Variants in SEC14L6 observed in about 807,000 individuals in gnomAD.
SEC14L6 encodes the protein SEC14 like lipid binding 6.
A neutral mutation model predicts 54.1 loss-of-function variants in SEC14L6; 40 were observed. The ratio of observed to expected loss-of-function variants is 0.74; its 90% CI spans 0.57 to 0.96. SEC14L6 has a LOEUF of 0.96. SEC14L6 is among the 40% of genes least tolerant of loss of function. The pLI, the probability that SEC14L6 is intolerant of heterozygous loss-of-function variation, is 0.00. For missense variants in SEC14L6, 471 were observed against 498.3 expected (o/e 0.95, Z 0.52); for synonymous variants, 171 against 198.4 (o/e 0.86, Z 1.16).
chr22:30,527,828 G>GT (rs1325736691), intron 8 of SEC14L6, among the ~76,000 whole-genome samples: 1 of 151,140 alleles, frequency 6.6e-6, no homozygotes, highest in Non-Finnish European at 1.5e-5. Flanking sequence ...GTGTACAAAG[G>GT]TTATCTATAA....
chr22:30,541,071 C>T (rs1022512034), intron 1 of SEC14L6, among the ~76,000 whole-genome samples: 1 of 151,518 alleles, frequency 6.6e-6, no homozygotes, highest in South Asian at 2.1e-4. Context: ...AAACTAACAG[C>T]TTTATGGGGA....
intron 1 of SEC14L6, among the ~76,000 whole-genome samples, chr22:30,542,254 G>A (rs2085731906): frequency 1.3e-5 from 2 of 152,144 alleles, no homozygotes; most frequent in African/African-American, 2.4e-5. Context: ...CTTCAGCTTT[G>A]GGGCTCAGAG....
At chr22:30,531,820 C>T (rs1335415883) in intron 6 of SEC14L6, 83 bp downstream of exon 6, 21 of 982,022 alleles carry the variant, frequency 2.1e-5, no homozygotes, top group Non-Finnish European at 2.8e-5. Context: ...AGAGGATTCC[C>T]GCCCCTGCCC....
At chr22:30,527,671 T>C (rs1249852228) in intron 8 of SEC14L6, among the ~76,000 whole-genome samples, 1 of 142,652 alleles carries the variant, frequency 7.0e-6, no homozygotes, top group Non-Finnish European at 1.5e-5. Flanking sequence ...GCCAAGATCA[T>C]GTCACTGTAC....
In SEC14L6 at chr22:30,525,459, C is replaced by G. The variant is rs61730450; in HGVS notation, c.972G>C (p.Met324Ile). The G allele has an allele frequency of 1.9e-6, 3 of 1,614,090 alleles. No homozygotes were observed. The East Asian group carries it at 6.7e-5, about 36-fold the overall frequency. ...IGFGVFLKTK[M>I]GERQRAREMT... ...TCTCCCTAGCCCTCTGCCGCTCCCCCATCTTGGTCTTCAGGAAAACCCCAA... is the reference window on the plus strand; with the variant it reads ...TCTCCCTAGCCCTCTGCCGCTCCCCGATCTTGGTCTTCAGGAAAACCCCAA... The change falls in exon 11 of 12, where the codon ATG becomes ATC. Residue 324 changes from methionine to isoleucine, a missense_variant. Coordinates refer to ENST00000402034, the MANE Select transcript of SEC14L6 (RefSeq NM_001193336.4).
chr22:30,529,551 C>T (rs949000527), intron 6 of SEC14L6, among the ~76,000 whole-genome samples: 1 of 152,084 alleles, frequency 6.6e-6, no homozygotes, highest in Non-Finnish European at 1.5e-5. Context: ...TTTGTTGGAT[C>T]CTAGTCATAG....
At chr22:30,532,953 C>A (rs1937034260) in intron 3 of SEC14L6, 97 bp from the exon 4 acceptor site, 1 of 1,538,888 alleles carries the variant, frequency 6.5e-7, no homozygotes, top group African/African-American at 1.4e-5. Flanking sequence ...TGCCTGCAAC[C>A]ACTAAGGGCC....
chr22:30,533,151 G>A (rs1937039019), intron 3 of SEC14L6: 2 of 985,198 alleles, frequency 2.0e-6, no homozygotes, highest in African/African-American at 1.7e-5. Flanking sequence ...TGGCTGCCCT[G>A]GGAGTCAGAC....
chr22:30,542,178 C>T (rs2085730270), intron 1 of SEC14L6, among the ~76,000 whole-genome samples: 1 of 152,316 alleles, frequency 6.6e-6, no homozygotes, highest in Admixed American at 6.5e-5. Context: ...TCCAGCTTTT[C>T]CTTCACCTCG....
At chr22:30,542,578 GC>G in intron 1 of SEC14L6, 1 of 1,455,360 alleles carries the variant, frequency 6.9e-7, no homozygotes. Context: ...GGCCCATGGA[GC>G]CCGCGGGCCG....
At chr22:30,541,533 C>T (rs11704402) in intron 1 of SEC14L6, among the ~76,000 whole-genome samples, 9,566 of 152,242 alleles carry the variant, frequency 0.063, 353 homozygotes, top group South Asian at 0.098. Context: ...GTGGCACACG[C>T]CTGTGATCCC....
chr22:30,532,535 T>C lies in SEC14L6; in HGVS notation c.413A>G (p.Gln138Arg), dbSNP rs748211105. The change falls in exon 5 of 12, where the codon CAG (glutamine) becomes CGG (arginine). Residue 138 changes from glutamine (Q) to arginine (R), a missense_variant. By Grantham distance (43) the Gln-to-Arg change is conservative. Coordinates refer to ENST00000402034, the MANE Select transcript of SEC14L6 (RefSeq NM_001193336.4). ...GTGGCACCCACACACCTTCTGACTC[T>C]GCAGCTCACACTCCCGCAGGAGCAG... ...CELLLRECEL[Q>R]SQKLGKRVEK... The C allele has an allele frequency of 3.2e-6, 5 of 1,549,566 alleles. 1 individual carries two copies. In the South Asian group the frequency reaches 4.8e-5, roughly 15 times the overall value.
chr22:30,526,729 A>C (rs1936793594), intron 8 of SEC14L6, among the ~76,000 whole-genome samples: 1 of 151,718 alleles, frequency 6.6e-6, no homozygotes, highest in South Asian at 2.1e-4. Context: ...ACCCCATCTC[A>C]TAAATAAATA....
rs1020046988 is a variant in SEC14L6 at position 30,532,551 on chromosome 22, G to A, written c.397C>T (p.Arg133Trp). Reference protein sequence around the residue: ...DSFRSCELLLRECELQSQKLG... With the variant: ...DSFRSCELLLWECELQSQKLG... ...TTCTGACTCTGCAGCTCACACTCCC[G>A]CAGGAGCAGCTCGCAGCTCCGGAAG... The change falls in exon 5 of 12, where the codon CGG becomes TGG. Residue 133 changes from arginine (R) to tryptophan (W), a missense_variant. Coordinates refer to ENST00000402034, the MANE Select transcript of SEC14L6 (RefSeq NM_001193336.4). 21 of 1,550,326 alleles carry A rather than the reference G, an allele frequency of 1.4e-5. No homozygotes were observed. Among genetic ancestry groups the A allele is most frequent in the South Asian group, 9.5e-5 (8 of 84,034 alleles).
intron 2 of SEC14L6, among the ~76,000 whole-genome samples, chr22:30,536,636 C>T (rs939015590): frequency 6.6e-6 from 1 of 152,186 alleles, no homozygotes; most frequent in African/African-American, 2.4e-5. Flanking sequence ...CCTTTGTAAG[C>T]CACAGCTTCC....
At chr22:30,543,275 G>C in intron 1 of SEC14L6, 3 of 1,585,770 alleles carry the variant, frequency 1.9e-6, no homozygotes, top group African/African-American at 1.3e-5. Flanking sequence ...GTCACCTTGC[G>C]GGGGGACTCT....
intron 8 of SEC14L6, among the ~76,000 whole-genome samples, chr22:30,528,646 A>G (rs1444357377): frequency 6.9e-6 from 1 of 145,924 alleles, no homozygotes; most frequent in Non-Finnish European, 1.5e-5. Flanking sequence ...CTAGTCTCCA[A>G]CTCCTGAGCT....
chr22:30,527,432 G>A (rs965366167), intron 8 of SEC14L6, among the ~76,000 whole-genome samples: 5 of 151,672 alleles, frequency 3.3e-5, no homozygotes, highest in African/African-American at 1.2e-4. Context: ...TATAAAAAAG[G>A]CAAGAATATT....
intron 3 of SEC14L6, 27 bp downstream of exon 3, chr22:30,533,969 C>G: frequency 6.5e-7 from 1 of 1,548,382 alleles, no homozygotes; most frequent in Non-Finnish European, 8.7e-7. Flanking sequence ...CAGGACCAGG[C>G]TAGGCAGGGG....
Sources: allele counts gnomAD v4.1 joint callset (sites outside exome capture counted in the v4.1 genomes callset), GRCh38; gene constraint gnomAD v4.1.1; transcripts MANE v1.5; gene names NCBI Gene and HGNC (gene_info 2026-07-23, HGNC 2026-07-21).